TRAPPC9: variants seen among roughly 807,000 people sequenced by gnomAD.
TRAPPC9 encodes the protein IKK2 binding protein.
TRAPPC9 carries 83 observed loss-of-function variants against 124.0 expected under a neutral mutation model. The ratio of observed to expected loss-of-function variants is 0.67; its 90% CI spans 0.56 to 0.80. TRAPPC9 has a LOEUF of 0.80. Among genes scored for constraint, TRAPPC9 ranks in the 30% least tolerant of loss-of-function variants. The pLI is 0.00. For synonymous variants in TRAPPC9, 638 were observed against 617.5 expected (o/e 1.03, Z -0.49); for missense variants, 1,302 against 1,508.3 (o/e 0.86, Z 2.27).
chr8:139,741,073 C>A (rs1818521227), intron 21 of TRAPPC9, among the ~76,000 whole-genome samples: 2 of 152,174 alleles, frequency 1.3e-5, no homozygotes, highest in Admixed American at 1.3e-4. Flanking sequence ...GGGGAAGAGG[C>A]CTGCCCTACC....
In TRAPPC9 at chr8:139,984,447, G is replaced by C. The variant is rs954767203; in HGVS notation, c.2810+4279C>G. 1.3e-5 allele frequency among the ~76,000 whole-genome samples: 2 copies of C among 152,104 alleles called. No homozygotes were observed. Among genetic ancestry groups the C allele is most frequent in the Non-Finnish European group, 2.9e-5 (2 of 68,014 alleles). ...AGCTTCTTTAGGTTTAGCACAGCCT[G>C]GGGGTGGGGGGCCGGGGGGTGGTGG... is the stretch of plus-strand genomic sequence containing the variant. On this transcript the variant is annotated intron_variant, in intron 19 of 22. Coordinates refer to ENST00000438773, the MANE Select transcript of TRAPPC9 (RefSeq NM_001160372.4). The surrounding 1 kb of genome is among the most constrained non-coding windows in gnomAD (Gnocchi z 4.3).
At chr8:140,158,604 A>G (rs80019000) in intron 17 of TRAPPC9, among the ~76,000 whole-genome samples, 3,489 of 152,352 alleles carry the variant, frequency 0.023, 136 homozygotes, top group African/African-American at 0.079. Flanking sequence ...AGAACTACAT[A>G]TATGTTTAAT....
chr8:140,107,733 T>C (rs990826276), intron 17 of TRAPPC9, among the ~76,000 whole-genome samples: 1 of 152,098 alleles, frequency 6.6e-6, no homozygotes, highest in African/African-American at 2.4e-5. Context: ...AAGACAGCCA[T>C]GAGAAGAGCT....
rs1053126452 is a variant in TRAPPC9 at position 139,825,512 on chromosome 8, C to T, written c.3055+60367G>A. ...GGGTCCCATGCCCAACCTCAGACCTCAGGATCTGAATCTCCACTCAGAGAA... is the reference window on the plus strand; with the variant it reads ...GGGTCCCATGCCCAACCTCAGACCTTAGGATCTGAATCTCCACTCAGAGAA... On this transcript the variant is annotated intron_variant, in intron 21 of 22. Coordinates refer to ENST00000438773, the MANE Select transcript of TRAPPC9 (RefSeq NM_001160372.4). This position sits in a 1 kb window ranked among gnomAD's most constrained non-coding sequence, Gnocchi z 4.6. Among the ~76,000 whole-genome samples the T allele has an allele frequency of 1.3e-5, 2 of 152,328 alleles. No homozygotes were observed. Among genetic ancestry groups the T allele is most frequent in the Middle Eastern group, 3.4e-3 (1 of 294 alleles).
At chr8:140,192,809 C>A (rs999371295) in intron 17 of TRAPPC9, among the ~76,000 whole-genome samples, 22 of 152,148 alleles carry the variant, frequency 1.4e-4, no homozygotes, top group Admixed American at 5.9e-4. Context: ...ATGGAGTCTC[C>A]CTCTGTGGCC....
chr8:140,134,461 T>G (rs2061264352), intron 17 of TRAPPC9, among the ~76,000 whole-genome samples: 2 of 152,112 alleles, frequency 1.3e-5, no homozygotes, highest in African/African-American at 4.8e-5. Context: ...AGACGGGGTT[T>G]CACCATGTCA....
intron 13 of TRAPPC9, among the ~76,000 whole-genome samples, chr8:140,284,465 C>T (rs1037982236): frequency 1.4e-4 from 21 of 152,220 alleles, no homozygotes; most frequent in South Asian, 2.1e-4. Context: ...AGTTCACACA[C>T]GAGCCAATTG....
At chr8:139,987,268 T>G (rs1254117789) in intron 19 of TRAPPC9, among the ~76,000 whole-genome samples, 2 of 152,174 alleles carry the variant, frequency 1.3e-5, no homozygotes, top group Admixed American at 6.5e-5. Context: ...ATAACTAGGG[T>G]TGAAATAGCT....
chr8:140,048,003 T>TG (rs1485828883), intron 17 of TRAPPC9, among the ~76,000 whole-genome samples: 2 of 152,222 alleles, frequency 1.3e-5, no homozygotes, highest in South Asian at 2.1e-4. Context: ...TGTGCAGCAC[T>TG]GGCTGGGCCA....
intron 17 of TRAPPC9, among the ~76,000 whole-genome samples, chr8:140,114,599 T>C (rs373885113): frequency 2.6e-5 from 4 of 152,202 alleles, no homozygotes; most frequent in African/African-American, 7.2e-5. Flanking sequence ...CCGTCACCGA[T>C]GCAATCATTT....
At chr8:140,042,632 G>T (rs954571451) in intron 17 of TRAPPC9, among the ~76,000 whole-genome samples, 1 of 152,166 alleles carries the variant, frequency 6.6e-6, no homozygotes, top group Non-Finnish European at 1.5e-5. Flanking sequence ...TGCTCTCCAC[G>T]GCCCTGTGGA....
At chr8:139,950,064 C>T (rs115638262) in intron 19 of TRAPPC9, among the ~76,000 whole-genome samples, 3 of 152,184 alleles carry the variant, frequency 2.0e-5, no homozygotes, top group South Asian at 2.1e-4. Flanking sequence ...CAAGGTAGCA[C>T]GGCACCCCCT....
At chr8:140,246,773 T>C (rs1157230460) in intron 16 of TRAPPC9, among the ~76,000 whole-genome samples, 2 of 152,030 alleles carry the variant, frequency 1.3e-5, no homozygotes, top group African/African-American at 4.8e-5. Context: ...TCACCTGAGG[T>C]CAGGAGTTTG....
At chr8:140,031,150 C>T (rs921583408) in intron 17 of TRAPPC9, among the ~76,000 whole-genome samples, 3 of 152,080 alleles carry the variant, frequency 2.0e-5, no homozygotes. Flanking sequence ...AATGTGAGGC[C>T]CTCGAAGAGG....
intron 1 of TRAPPC9, among the ~76,000 whole-genome samples, chr8:140,453,285 G>T (rs1484522214): frequency 6.6e-6 from 1 of 152,068 alleles, no homozygotes; most frequent in Non-Finnish European, 1.5e-5. Context: ...CCCTTCCATG[G>T]CCCTCTATCT....
rs190701250 is a variant in TRAPPC9, at chr8:140,014,580, G to A, written c.2699+9357C>T. Among the ~76,000 whole-genome samples, 415 of 152,200 alleles carry A rather than the reference G, an allele frequency of 2.7e-3. 3 individuals are homozygous for A. The highest frequency in any genetic ancestry group is 9.7e-3 in the African/African-American group (403 of 41,512). On this transcript the variant is annotated intron_variant, in intron 18 of 22. Coordinates refer to ENST00000438773, the MANE Select transcript of TRAPPC9 (RefSeq NM_001160372.4). ...GCTAAGAGGCTCACTCTCCCCCTAG[G>A]GAGTGCAGAGACCAAGCTGCGGCAG...
Position 139,986,167 on chromosome 8 carries a change from C to T in TRAPPC9, c.2810+2559G>A, listed in dbSNP as rs1212578932. Among the ~76,000 whole-genome samples, 4 of 152,244 alleles carry T rather than the reference C, an allele frequency of 2.6e-5. No homozygotes were observed. In the East Asian group the frequency reaches 7.7e-4, roughly 29 times the overall value. On this transcript the variant is annotated intron_variant, in intron 19 of 22. Transcript: ENST00000438773. ...CTGAGGCAGGAGAAACGCTTGAACCCAGGAGGTGGAGGTTGCAGTGAGCCA... is the reference window on the plus strand; with the variant it reads ...CTGAGGCAGGAGAAACGCTTGAACCTAGGAGGTGGAGGTTGCAGTGAGCCA...
intron 21 of TRAPPC9, among the ~76,000 whole-genome samples, chr8:139,856,255 A>G (rs1423705496): frequency 1.3e-5 from 2 of 152,118 alleles, no homozygotes; most frequent in Admixed American, 6.5e-5. Context: ...GAGGGGCTGC[A>G]GGTTGGGGAC....
intron 9 of TRAPPC9, among the ~76,000 whole-genome samples, chr8:140,340,073 C>T (rs1212039450): frequency 6.6e-6 from 1 of 152,216 alleles, no homozygotes; most frequent in Non-Finnish European, 1.5e-5. Flanking sequence ...TCTCGAACTC[C>T]TGACCTCAGG....
Sources: gnomAD v4.1 joint callset for allele counts (sites outside exome capture counted in the v4.1 genomes callset) on GRCh38, gnomAD v4.1.1 for gene constraint, Gnocchi (gnomAD v3.1) non-coding constraint, MANE v1.5 for transcripts, NCBI Gene and HGNC (gene_info 2026-07-23, HGNC 2026-07-21) for gene names.